NCOR2: variants seen among roughly 807,000 people sequenced by gnomAD.
NCOR2 encodes nuclear receptor corepressor 2.
In NCOR2, 81 loss-of-function variants were observed where a neutral mutation model predicts 262.9. That is an observed-to-expected ratio of 0.31 (90% CI 0.26 to 0.37). NCOR2 has a LOEUF of 0.37. Ranked by LOEUF, NCOR2 falls within the 10% of genes least tolerant of loss-of-function variation. NCOR2 has a pLI of 1.00. For missense variants in NCOR2, 3,385 were observed against 3,621.4 expected, an observed-to-expected ratio of 0.93 and a Z score of 1.68; for synonymous variants, 1,659 against 1,559.3, an observed-to-expected ratio of 1.06 and a Z score of -1.51.
At chr12:124,380,773 G>A (rs1258319747) in intron 17 of NCOR2, among the ~76,000 whole-genome samples, 1 of 152,056 alleles carries the variant, frequency 6.6e-6, no homozygotes, top group Non-Finnish European at 1.5e-5. Flanking sequence ...GGAGTGCAAG[G>A]TGTCTCTGCG....
chr12:124,326,030 G>A, intron 46 of NCOR2, 161 bp downstream of exon 48: 1 of 768,236 alleles, frequency 1.3e-6, no homozygotes, highest in Non-Finnish European at 1.9e-6. Context: ...TGGTTCGTGA[G>A]CCAGGCTCAG....
At chr12:124,498,443 AC>A (rs2048493097), upstream of NCOR2, among the ~76,000 whole-genome samples, 1 of 152,096 alleles carries the variant, frequency 6.6e-6, no homozygotes, top group South Asian at 2.1e-4. Flanking sequence ...CCAGCCCCCC[AC>A]CCAGCGCCTC....
chr12:124,520,260 G>A (rs547792533), intron 1 of NCOR2, among the ~76,000 whole-genome samples: 5 of 152,284 alleles, frequency 3.3e-5, no homozygotes, highest in East Asian at 3.9e-4. Context: ...AGGAAGGCAC[G>A]GGCATATTTT....
At chr12:124,329,298 C>T (rs2034972701) in intron 44 of NCOR2, 1 of 347,620 alleles carries the variant, frequency 2.9e-6, no homozygotes, top group African/African-American at 2.2e-5. Flanking sequence ...CCCGTCTCTA[C>T]TAAAAATACA....
rs1450800235 is a variant in NCOR2, at chr12:124,387,173, G to A, written c.1877-1286C>T. ...AATTGTTCAGAGGTTGGGGAGCTGA[G>A]GGGCAGCCGTCTGTGTTGGTATTTT... On this transcript the variant is annotated intron_variant, in intron 16 of 46. Coordinates refer to ENST00000405201, the Ensembl canonical transcript of NCOR2. 2.0e-5 allele frequency among the ~76,000 whole-genome samples: 3 copies of A among 152,250 alleles called. 1 individual carries two copies. Among genetic ancestry groups the A allele is most frequent in the African/African-American group, 7.2e-5 (3 of 41,454 alleles).
chr12:124,519,841 C>T (rs756128638), intron 1 of NCOR2, among the ~76,000 whole-genome samples: 4 of 151,898 alleles, frequency 2.6e-5, no homozygotes, highest in African/African-American at 4.9e-5. Flanking sequence ...GCCCCTGAGC[C>T]GCCACACACA....
chr12:124,454,226 C>T lies in NCOR2; in HGVS notation c.762+2880G>A, dbSNP rs1237762799. Among the ~76,000 whole-genome samples the T allele has an allele frequency of 6.6e-6, 1 of 152,178 alleles. No homozygotes were observed. The highest frequency in any genetic ancestry group is 1.5e-5 in the Non-Finnish European group (1 of 68,036). ...GGCACAAGGCACTCCTCTCACTGAG[C>T]CTCATCCAGAAAATGGGACGGCAAC... On this transcript the variant is annotated intron_variant, in intron 6 of 46. Transcript: ENST00000405201. This position sits in a 1 kb window ranked among gnomAD's most constrained non-coding sequence, Gnocchi z 5.6.
At chr12:124,535,910 C>A (rs1415342891), upstream of NCOR2, among the ~76,000 whole-genome samples, 4 of 151,800 alleles carry the variant, frequency 2.6e-5, no homozygotes. Flanking sequence ...CCTGGCAAGA[C>A]CACCGAGGGG....
At chr12:124,356,536 A>G (rs1012265389) in intron 23 of NCOR2, 106 bp downstream of exon 25, 2 of 1,052,792 alleles carry the variant, frequency 1.9e-6, no homozygotes, top group South Asian at 4.1e-5. Context: ...GCCAGGTCCC[A>G]TAAGGCTTTA....
At chr12:124,339,853 A>ATCCATCCACCCACGCAGCTAAC (rs1566364300) in intron 37 of NCOR2, among the ~76,000 whole-genome samples, 153 bp downstream of exon 39, 5 of 138,410 alleles carry the variant, frequency 3.6e-5, no homozygotes, top group African/African-American at 1.5e-4. Flanking sequence ...CCACCCATCC[A>ATCCATCCACCCACGCAGCTAAC]CTACTCACAC....
intron 12 of NCOR2, among the ~76,000 whole-genome samples, chr12:124,420,763 C>T (rs1157497699): frequency 2.0e-5 from 3 of 152,212 alleles, no homozygotes; most frequent in Non-Finnish European, 4.4e-5. Flanking sequence ...CCAATGCCCA[C>T]AGCCGTTCCC....
rs573583403 is a variant in NCOR2 at position 124,454,394 on chromosome 12, C to A, written c.762+2712G>T. Among the ~76,000 whole-genome samples, 1 of 152,214 alleles carries A rather than the reference C, an allele frequency of 6.6e-6. No homozygotes were observed. Among genetic ancestry groups the A allele is most frequent in the Non-Finnish European group, 1.5e-5 (1 of 68,038 alleles). ...GAGATCCCCAAGTGGAAGACAACCC[C>A]GTCCCCTTGTCTCCAAAGAACCAGA... On this transcript the variant is annotated intron_variant, in intron 6 of 46. Coordinates refer to ENST00000405201, the Ensembl canonical transcript of NCOR2. The surrounding 1 kb of genome is among the most constrained non-coding windows in gnomAD (Gnocchi z 5.6).
chr12:124,333,883 T>TGCGCGC (rs1465522610), intron 41 of NCOR2, among the ~76,000 whole-genome samples: 6 of 93,374 alleles, frequency 6.4e-5, no homozygotes, highest in African/African-American at 2.4e-4. Context: ...TGTGCGGGTG[T>TGCGCGC]GCATGTGTGT....
chr12:124,410,677 C>G (rs1338843131), intron 13 of NCOR2, among the ~76,000 whole-genome samples: 1 of 152,264 alleles, frequency 6.6e-6, no homozygotes, highest in East Asian at 1.9e-4. Flanking sequence ...TGATCTGGCC[C>G]GCCCTGCCAC....
At chr12:124,428,044 AGTGTGTGTGTGTGTGTGTGT>A (rs55965573) in intron 10 of NCOR2, among the ~76,000 whole-genome samples, 5 of 112,392 alleles carry the variant, frequency 4.4e-5, no homozygotes, top group East Asian at 3.0e-4. Context: ...CCATGTGGCC[AGTGTGTGTGTGTGTGTGTGT>A]GTGTGTGTGT....
chr12:124,534,493 C>G (rs562177310), intron 1 of NCOR2, among the ~76,000 whole-genome samples: 1 of 152,088 alleles, frequency 6.6e-6, no homozygotes, highest in South Asian at 2.1e-4. Flanking sequence ...TCTTATGGGA[C>G]CACTGTCATA....
chr12:124,369,137 G>T lies in NCOR2; in HGVS notation c.2807+2885C>A, dbSNP rs547430814. 5.6e-4 allele frequency among the ~76,000 whole-genome samples: 85 copies of T among 152,318 alleles called. 1 individual carries two copies. Among genetic ancestry groups the T allele is most frequent in the African/African-American group, 2.0e-3 (83 of 41,574 alleles). Reference sequence around the variant, plus strand: ...CTTACAGATGAGAAAACTGAGGCTTGGGGGAGGGGACTCCCAAGGCCAGGC... The same window carrying T: ...CTTACAGATGAGAAAACTGAGGCTTTGGGGAGGGGACTCCCAAGGCCAGGC... On this transcript the variant is annotated intron_variant, in intron 20 of 46. Coordinates refer to ENST00000405201, the Ensembl canonical transcript of NCOR2.
In NCOR2 at chr12:124,427,077, T is replaced by C. The variant is rs545623617; in HGVS notation, c.1150-277A>G. ...CTTCTCTGCAGTGGGAGGGGAGCCA[T>C]GAATCTTCCCTTTGGAAATGCAAGC... On this transcript the variant is annotated intron_variant, in intron 10 of 46. Transcript: ENST00000405201. Among the ~76,000 whole-genome samples the C allele has an allele frequency of 3.3e-5, 5 of 152,230 alleles. 1 individual carries two copies. The highest frequency in any genetic ancestry group is 2.6e-4 in the Admixed American group (4 of 15,308).
chr12:124,508,012 C>G (rs1416366490), intron 1 of NCOR2, among the ~76,000 whole-genome samples: 3 of 152,220 alleles, frequency 2.0e-5, no homozygotes, highest in Admixed American at 6.5e-5. Flanking sequence ...GAGGCATCCA[C>G]CACATGTGAA....
Sources: gnomAD v4.1 joint callset for allele counts (sites outside exome capture counted in the v4.1 genomes callset) on GRCh38, gnomAD v4.1.1 for gene constraint, Gnocchi (gnomAD v3.1) non-coding constraint, MANE v1.5 for transcripts, NCBI Gene and HGNC (gene_info 2026-07-23, HGNC 2026-07-21) for gene names.